Variants in SFXN5 observed in about 807,000 individuals in gnomAD.
The protein encoded by SFXN5 is sideroflexin-5.
In SFXN5, 43 loss-of-function variants were observed where a neutral mutation model predicts 50.2. The ratio of observed to expected loss-of-function variants is 0.86; its 90% confidence interval spans 0.67 to 1.11. The LOEUF (loss-of-function observed/expected upper bound fraction) is 1.11. Ranked by LOEUF, SFXN5 falls within the 50% of genes least tolerant of loss-of-function variation. The pLI is 0.00. For missense variants in SFXN5, 463 were observed against 454.1 expected, an observed-to-expected ratio of 1.02 and a Z score of -0.18; for synonymous variants, 203 against 185.8, an observed-to-expected ratio of 1.09 and a Z score of -0.75.
chr2:72,977,974 G>GAA lies in SFXN5; in HGVS notation c.626-6291_626-6290dup, dbSNP rs56975766. Among the ~76,000 whole-genome samples, 57 of 40,918 alleles carry GAA rather than the reference G, an allele frequency of 1.4e-3. 5 individuals are homozygous for GAA. The South Asian group carries it at 0.042, about 30-fold the overall frequency. 26.8% of individuals were successfully genotyped at this position (40,918 alleles called of 152,430 possible). ...GGCAACAGAGAGAGACTCTGCCTCAGAAAAAAAAAAAAAAGAAAGAAAGAA... is the reference window on the plus strand; with the variant it reads ...GGCAACAGAGAGAGACTCTGCCTCAGAAAAAAAAAAAAAAAAGAAAGAAAGAA... On this transcript the variant is annotated intron_variant, in intron 10 of 13. Transcript: ENST00000272433.
At chr2:72,996,248 G>A (rs1673213294) in intron 9 of SFXN5, among the ~76,000 whole-genome samples, 2 of 152,132 alleles carry the variant, frequency 1.3e-5, no homozygotes, top group Non-Finnish European at 2.9e-5. Context: ...GAGCTCACAG[G>A]GAGGAGAAAG....
At chr2:73,036,186 G>A (rs925535733) in intron 3 of SFXN5, among the ~76,000 whole-genome samples, 1 of 151,966 alleles carries the variant, frequency 6.6e-6, no homozygotes, top group African/African-American at 2.4e-5. Context: ...AACAGTGACT[G>A]TTAACTATGG....
At chr2:72,974,625 T>C (rs1393930489) in intron 10 of SFXN5, among the ~76,000 whole-genome samples, 1 of 152,222 alleles carries the variant, frequency 6.6e-6, no homozygotes, top group Non-Finnish European at 1.5e-5. Context: ...GTACATTGGT[T>C]GGCCTTTATT....
intron 3 of SFXN5, among the ~76,000 whole-genome samples, chr2:73,024,513 G>A (rs532094758): frequency 6.6e-6 from 1 of 152,320 alleles, no homozygotes; most frequent in East Asian, 1.9e-4. Flanking sequence ...AATTAGCAGG[G>A]CGTGGTGGAA....
At chr2:73,067,311 G>A (rs1683248597) in intron 1 of SFXN5, among the ~76,000 whole-genome samples, 2 of 152,182 alleles carry the variant, frequency 1.3e-5, no homozygotes, top group South Asian at 4.1e-4. Flanking sequence ...GCAGACCAGA[G>A]GAGGCTAAAG....
chr2:73,011,332 C>T (rs1038998652), intron 6 of SFXN5, among the ~76,000 whole-genome samples: 5 of 152,100 alleles, frequency 3.3e-5, no homozygotes, highest in South Asian at 2.1e-4. Flanking sequence ...TGGGATTACA[C>T]GTGTGAGCCA....
At chr2:73,036,062 C>T (rs978673540) in intron 3 of SFXN5, among the ~76,000 whole-genome samples, 7 of 152,198 alleles carry the variant, frequency 4.6e-5, no homozygotes, top group Non-Finnish European at 7.3e-5. Context: ...GGCCCACACA[C>T]CTGCAAAGGC....
At position 72,968,477 on chromosome 2, in the gene SFXN5, T is replaced by C; in HGVS notation, c.798A>G (p.Leu266=). ...CCAGCATGGACATGACGATCGGGGGTAGCACCAGGATGGGCATGGGCAGGA... is the reference window on the plus strand; with the variant it reads ...CCAGCATGGACATGACGATCGGGGGCAGCACCAGGATGGGCATGGGCAGGA... ...RVVLPMPILV[L]PPIVMSMLEK... is the part of the protein sequence containing the mutation. Residue 266 remains leucine (L), a synonymous_variant, in exon 12 of 14, where the codon CTA becomes CTG. Transcript: ENST00000272433. 1 of 1,611,720 alleles carries C rather than the reference T, an allele frequency of 6.2e-7. No individual in the cohort carries two copies.
intron 3 of SFXN5, among the ~76,000 whole-genome samples, chr2:73,038,961 C>T (rs763881742): frequency 2.6e-5 from 4 of 152,296 alleles, no homozygotes; most frequent in Non-Finnish European, 2.9e-5. Flanking sequence ...CAGTCTCACT[C>T]TGTCGCCCAG....
At chr2:73,050,388 G>GCGCGCACACACA in intron 2 of SFXN5, among the ~76,000 whole-genome samples, 1,948 of 143,876 alleles carry the variant, frequency 0.014, 52 homozygotes, top group African/African-American at 0.05. Context: ...CAGCCACAGC[G>GCGCGCACACACA]CACGCACACA....
intron 2 of SFXN5, among the ~76,000 whole-genome samples, chr2:73,045,575 T>C (rs1463788356): frequency 6.6e-6 from 1 of 151,898 alleles, no homozygotes; most frequent in East Asian, 1.9e-4. Context: ...CAGTGGGGCG[T>C]GCAGGATGGC....
At position 72,998,954 on chromosome 2, in the gene SFXN5, T is replaced by C; in HGVS notation, c.529A>G (p.Ile177Val). The change falls in exon 9 of 14, where the codon ATT (isoleucine) becomes GTT (valine). Residue 177 changes from isoleucine to valine, a missense_variant. Transcript: ENST00000272433. ...YLGAVISAVS[I>V]AVGLNVLVQK... is the part of the protein sequence containing the mutation. The stretch of plus-strand genomic sequence containing the variant: ...GCAGGGGAGGGAGTACTCACAGCAA[T>C]GGAGACGGCGCTGATGACAGCTCCC... 6.2e-7 allele frequency: 1 copy of C among 1,613,994 alleles called. No homozygotes were observed. Among genetic ancestry groups the C allele is most frequent in the Non-Finnish European group, 8.5e-7 (1 of 1,179,968 alleles).
intron 13 of SFXN5, among the ~76,000 whole-genome samples, chr2:72,946,547 C>T (rs78221731): frequency 2.6e-4 from 40 of 152,268 alleles, no homozygotes; most frequent in African/African-American, 9.6e-4. Flanking sequence ...TCCCTGGAGC[C>T]TCAGGTTCAC....
Position 72,945,076 on chromosome 2 carries a change from C to T in SFXN5, c.969G>A (p.Pro323=), listed in dbSNP as rs780546241. ...MSEIETSQLE[P]EIAQATSSRT... ...GGCTGCTCGTGGCCTGGGCTATCTC[C>T]GGCTCTAATTGGGATGTTTCAATCT... is the stretch of plus-strand genomic sequence containing the variant. Residue 323 remains proline (P), a synonymous_variant, in exon 14 of 14, where the codon CCG becomes CCA. Coordinates refer to ENST00000272433, the MANE Select transcript of SFXN5 (RefSeq NM_144579.3). This position sits in a 1 kb window ranked among gnomAD's most constrained non-coding sequence, Gnocchi z 5.8. 14 of 1,613,874 alleles carry T rather than the reference C, an allele frequency of 8.7e-6. No homozygotes were observed. The highest frequency in any genetic ancestry group is 4.0e-5 in the African/African-American group (3 of 74,914).
intron 10 of SFXN5, among the ~76,000 whole-genome samples, chr2:72,975,777 C>T: frequency 6.6e-6 from 1 of 152,200 alleles, no homozygotes. Flanking sequence ...CTAAAACTTA[C>T]ACTATAATGG....
intron 9 of SFXN5, among the ~76,000 whole-genome samples, chr2:72,989,078 C>T (rs1026129953): frequency 7.2e-5 from 11 of 152,196 alleles, no homozygotes; most frequent in Non-Finnish European, 1.3e-4. Flanking sequence ...CTATGACCAA[C>T]GTGTCTGAGA....
intron 6 of SFXN5, among the ~76,000 whole-genome samples, chr2:73,010,343 ATAGC>A (rs768363180): frequency 5.9e-5 from 9 of 152,236 alleles, no homozygotes; most frequent in African/African-American, 1.4e-4. Context: ...GTTGGGAGAT[ATAGC>A]CTACTATTCT....
intron 12 of SFXN5, 132 bp downstream of exon 12, chr2:72,968,316 C>A (rs896373783): frequency 1.3e-6 from 1 of 745,282 alleles, no homozygotes; most frequent in East Asian, 2.7e-5. Context: ...GAGCAAGACA[C>A]CTTCCACCCT....
intron 1 of SFXN5, among the ~76,000 whole-genome samples, chr2:73,060,563 G>C (rs373231790): frequency 2.6e-5 from 4 of 152,050 alleles, no homozygotes; most frequent in African/African-American, 9.7e-5. Flanking sequence ...TGGCGTAGAG[G>C]GGGGAATGCT....
Sources: gnomAD v4.1 joint callset for allele counts (sites outside exome capture counted in the v4.1 genomes callset) on GRCh38, gnomAD v4.1.1 for gene constraint, Gnocchi (gnomAD v3.1) non-coding constraint, MANE v1.5 for transcripts, NCBI Gene and HGNC (gene_info 2026-07-23, HGNC 2026-07-21) for gene names.